EFCAB6: variants seen among roughly 807,000 people sequenced by gnomAD.
EFCAB6 encodes EF-hand calcium-binding domain-containing protein 6.
Under a neutral mutation model 169.8 loss-of-function variants are expected in EFCAB6, and 156 were observed. The ratio of observed to expected loss-of-function variants is 0.92; its 90% CI spans 0.81 to 1.05. The LOEUF is 1.05. Ranked by LOEUF, EFCAB6 falls within the 50% of genes least tolerant of loss-of-function variation. The pLI is 0.00. For missense variants in EFCAB6, 1,800 were observed against 1,829.1 expected, an observed-to-expected ratio of 0.98 and a Z score of 0.29; for synonymous variants, 698 against 676.4, an observed-to-expected ratio of 1.03 and a Z score of -0.50.
chr22:43,602,069 C>T (rs2052563263), intron 22 of EFCAB6, among the ~76,000 whole-genome samples: 1 of 152,262 alleles, frequency 6.6e-6, no homozygotes, highest in African/African-American at 2.4e-5. Context: ...AGTTTGCCGG[C>T]TCTTCACCTG....
intron 15 of EFCAB6, among the ~76,000 whole-genome samples, chr22:43,671,753 G>T (rs2057502912): frequency 6.6e-6 from 1 of 152,130 alleles, no homozygotes; most frequent in African/African-American, 2.4e-5. Flanking sequence ...CCATAGAAAG[G>T]AATAATGTTA....
chr22:43,796,754 G>C (rs2062524023), intron 2 of EFCAB6, among the ~76,000 whole-genome samples: 1 of 152,168 alleles, frequency 6.6e-6, no homozygotes, highest in Admixed American at 6.5e-5. Context: ...CCAAATCCAA[G>C]CAAGTCCTCA....
At chr22:43,644,993 C>A (rs190715544) in intron 17 of EFCAB6, among the ~76,000 whole-genome samples, 24 of 152,358 alleles carry the variant, frequency 1.6e-4, no homozygotes, top group African/African-American at 5.8e-4. Context: ...CAATAAGCAA[C>A]TTTTCCATGC....
At chr22:43,547,772 C>T (rs1215432609) in intron 27 of EFCAB6, among the ~76,000 whole-genome samples, 1 of 147,868 alleles carries the variant, frequency 6.8e-6, no homozygotes, top group African/African-American at 2.5e-5. Context: ...AAACATAATC[C>T]AAAATAAGAT....
At chr22:43,772,514 G>A (rs978122529) in intron 4 of EFCAB6, among the ~76,000 whole-genome samples, 1 of 151,874 alleles carries the variant, frequency 6.6e-6, no homozygotes, top group African/African-American at 2.4e-5. Flanking sequence ...GGTGGCCCAC[G>A]CCTGTAATCC....
intron 12 of EFCAB6, among the ~76,000 whole-genome samples, chr22:43,679,005 C>G (rs1398418652): frequency 6.6e-6 from 1 of 152,150 alleles, no homozygotes. Context: ...GAGTCATAAT[C>G]AATTCTTTAA....
intron 3 of EFCAB6, 114 bp from the exon 4 acceptor site, chr22:43,773,217 C>A (rs1402258539): frequency 6.0e-6 from 6 of 1,004,900 alleles, no homozygotes; most frequent in Non-Finnish European, 8.7e-6. Flanking sequence ...TTTCTCCCAC[C>A]ATATCTAGGT....
chr22:43,754,779 T>C (rs2060894798), intron 6 of EFCAB6, among the ~76,000 whole-genome samples: 7 of 152,196 alleles, frequency 4.6e-5, no homozygotes. Context: ...ACAATGGACT[T>C]TTCCAGAAGC....
At chr22:43,749,056 G>A (rs2060664514) in intron 6 of EFCAB6, among the ~76,000 whole-genome samples, 1 of 152,202 alleles carries the variant, frequency 6.6e-6, no homozygotes, top group Non-Finnish European at 1.5e-5. Context: ...TAGGTATAAT[G>A]ATGGCAGTAG....
intron 17 of EFCAB6, among the ~76,000 whole-genome samples, chr22:43,654,852 A>C (rs1260482408): frequency 6.6e-6 from 1 of 152,266 alleles, no homozygotes; most frequent in Non-Finnish European, 1.5e-5. Flanking sequence ...TTTAAAAATG[A>C]GTCCAGGTGC....
chr22:43,672,219 C>A, intron 14 of EFCAB6, 27 bp downstream of exon 14: 1 of 1,614,052 alleles, frequency 6.2e-7, no homozygotes, highest in South Asian at 1.1e-5. Context: ...GGAAGGCATC[C>A]ACACAAAGAA....
intron 6 of EFCAB6, among the ~76,000 whole-genome samples, chr22:43,749,475 C>T (rs765196156): frequency 1.3e-5 from 2 of 152,036 alleles, no homozygotes; most frequent in South Asian, 2.1e-4. Flanking sequence ...GGTATGGTTT[C>T]GGGATGAAAC....
intron 3 of EFCAB6, among the ~76,000 whole-genome samples, chr22:43,780,310 A>G (rs1369681252): frequency 2.0e-5 from 3 of 151,924 alleles, no homozygotes; most frequent in Non-Finnish European, 4.4e-5. Context: ...AACATGGTGA[A>G]ATCCTGTCTC....
intron 22 of EFCAB6, among the ~76,000 whole-genome samples, chr22:43,602,850 G>A (rs890979473): frequency 1.3e-5 from 2 of 152,036 alleles, no homozygotes; most frequent in Non-Finnish European, 2.9e-5. Context: ...GCGGATACAT[G>A]AGGAGTGCAT....
At chr22:43,780,842 G>A (rs2061800036) in intron 3 of EFCAB6, among the ~76,000 whole-genome samples, 1 of 152,054 alleles carries the variant, frequency 6.6e-6, no homozygotes, top group African/African-American at 2.4e-5. Flanking sequence ...TGAGTGTCCA[G>A]CATGACTGGG....
intron 2 of EFCAB6, among the ~76,000 whole-genome samples, chr22:43,787,788 A>C (rs1427911515): frequency 2.7e-5 from 4 of 150,576 alleles, no homozygotes; most frequent in Non-Finnish European, 5.9e-5. Context: ...ATCATGAAAA[A>C]TAAAAATAAG....
intron 23 of EFCAB6, among the ~76,000 whole-genome samples, chr22:43,598,526 T>C (rs1204113978): frequency 1.3e-5 from 2 of 152,102 alleles, no homozygotes; most frequent in African/African-American, 2.4e-5. Context: ...TACTTAACAA[T>C]TTTATTGTTA....
At chr22:43,751,824 T>C (rs2060778327) in intron 6 of EFCAB6, among the ~76,000 whole-genome samples, 2 of 152,214 alleles carry the variant, frequency 1.3e-5, no homozygotes, top group Non-Finnish European at 1.5e-5. Flanking sequence ...TATGCCTGCT[T>C]AACCTCTTTT....
In EFCAB6 at chr22:43,731,813, T is replaced by TA. The variant is rs768849084; in HGVS notation, c.645-3dup. The TA allele has an allele frequency of 6.4e-7, 1 of 1,551,904 alleles. No individual in the cohort carries two copies. The highest frequency in any genetic ancestry group is 8.7e-7 in the Non-Finnish European group (1 of 1,151,302). ...TGGATGTTGTAGTGTTTCGAAAACC[T>TA]AAAATACAAATGTTCTTTAGTAATG... On this transcript the variant is annotated splice_region_variant and splice_polypyrimidine_tract_variant and intron_variant, in intron 7 of 31. Coordinates refer to ENST00000262726, the MANE Select transcript of EFCAB6 (RefSeq NM_022785.4).
Sources: allele counts gnomAD v4.1 joint callset (sites outside exome capture counted in the v4.1 genomes callset), GRCh38; gene constraint gnomAD v4.1.1; transcripts MANE v1.5; gene names NCBI Gene and HGNC (gene_info 2026-07-23, HGNC 2026-07-21).